TENT4A: variants seen among roughly 807,000 people sequenced by gnomAD.
The protein encoded by TENT4A is terminal nucleotidyltransferase 4A, also known as DNA polymerase kappa.
TENT4A carries 7 observed loss-of-function variants against 72.8 expected under a neutral mutation model. That is an observed-to-expected ratio of 0.10 (90% CI 0.05 to 0.18). TENT4A has a LOEUF of 0.18. TENT4A is among the 10% of genes least tolerant of loss of function. TENT4A has a pLI of 1.00. For missense variants in TENT4A, 831 were observed against 1,017.7 expected (o/e 0.82, Z 2.50); for synonymous variants, 456 against 434.3 (o/e 1.05, Z -0.62).
chr5:6,738,079 C>T (rs1467223694), intron 2 of TENT4A, among the ~76,000 whole-genome samples: 3 of 152,182 alleles, frequency 2.0e-5, no homozygotes, highest in South Asian at 2.1e-4. Context: ...CCTCATCACA[C>T]ACCACTCTTG....
At chr5:6,740,782 C>T (rs1741758942) in intron 4 of TENT4A, among the ~76,000 whole-genome samples, 1 of 152,216 alleles carries the variant, frequency 6.6e-6, no homozygotes, top group Non-Finnish European at 1.5e-5. Context: ...GCCCAGGTTC[C>T]AGAAGGGGCT....
Position 6,713,915 on chromosome 5 carries a change from CG to C in TENT4A, c.-65del. On this transcript the variant is annotated 5_prime_UTR_variant, in exon 1 of 13. Coordinates refer to ENST00000230859, the MANE Select transcript of TENT4A (RefSeq NM_006999.6). The stretch of plus-strand genomic sequence containing the variant: ...CGTCCGTGCGCGCGCGGCCGGGCCT[CG>C]GGGCGCGGCGGGGGCGGGGCCGCGT... 3 of 655,944 alleles carry C rather than the reference CG, an allele frequency of 4.6e-6. No homozygotes were observed. The highest frequency in any genetic ancestry group is 5.6e-6 in the Non-Finnish European group (3 of 532,440). 40.6% of individuals were successfully genotyped at this position (655,944 alleles called of 1,614,324 possible).
intron 1 of TENT4A, among the ~76,000 whole-genome samples, chr5:6,718,431 C>G (rs568139988): frequency 6.6e-6 from 1 of 152,276 alleles, no homozygotes. Flanking sequence ...AGGCATCACT[C>G]TAGGGGCCTT....
chr5:6,746,855 C>G (rs1394031335), intron 7 of TENT4A, among the ~76,000 whole-genome samples: 1 of 152,290 alleles, frequency 6.6e-6, no homozygotes, highest in African/African-American at 2.4e-5. Flanking sequence ...AACGCAAACA[C>G]GTTTGTCACT....
intron 1 of TENT4A, among the ~76,000 whole-genome samples, chr5:6,719,584 C>T (rs1037076890): frequency 9.9e-5 from 15 of 152,250 alleles, no homozygotes; most frequent in East Asian, 3.9e-4. Context: ...TGGCAAGCCT[C>T]GCCCTCTTCG....
intron 8 of TENT4A, among the ~76,000 whole-genome samples, chr5:6,749,092 G>A (rs1312044964): frequency 6.6e-6 from 1 of 152,188 alleles, no homozygotes; most frequent in East Asian, 1.9e-4. Context: ...GTTCTGTGGT[G>A]GATGATGGAA....
chr5:6,719,757 G>A (rs1157601503), intron 1 of TENT4A, among the ~76,000 whole-genome samples: 1 of 152,192 alleles, frequency 6.6e-6, no homozygotes, highest in Non-Finnish European at 1.5e-5. Flanking sequence ...ATGCACACTC[G>A]TCAGCATCCT....
intron 1 of TENT4A, among the ~76,000 whole-genome samples, chr5:6,720,546 A>C (rs561006448): frequency 6.6e-6 from 1 of 152,054 alleles, no homozygotes; most frequent in Non-Finnish European, 1.5e-5. Context: ...TATGTCATTT[A>C]AGAAAAGTTT....
chr5:6,740,830 G>A (rs760169364), intron 4 of TENT4A, among the ~76,000 whole-genome samples: 1 of 152,202 alleles, frequency 6.6e-6, no homozygotes, highest in Non-Finnish European at 1.5e-5. Context: ...AGCCCTGGCC[G>A]GCCACTTTCT....
chr5:6,731,212 T>G (rs903577539), intron 1 of TENT4A, among the ~76,000 whole-genome samples: 5 of 152,190 alleles, frequency 3.3e-5, no homozygotes, highest in African/African-American at 1.2e-4. Flanking sequence ...ACCACTAGTT[T>G]TAAGGGTTTT....
chr5:6,741,184 T>C (rs1741785674), intron 4 of TENT4A, among the ~76,000 whole-genome samples: 1 of 152,334 alleles, frequency 6.6e-6, no homozygotes, highest in Middle Eastern at 3.4e-3. Context: ...TAAGTATCTT[T>C]TCCTCTGTTA....
At chr5:6,750,574 G>A (rs1346660647) in intron 10 of TENT4A, 71 bp downstream of exon 10, 2 of 1,365,306 alleles carry the variant, frequency 1.5e-6, no homozygotes, top group Admixed American at 5.1e-5. Context: ...ATAGCCGCGA[G>A]CTTAAAATCT....
At chr5:6,752,734 A>G (rs1282447434) in intron 11 of TENT4A, 139 bp from the exon 12 acceptor site, 1 of 643,174 alleles carries the variant, frequency 1.6e-6, no homozygotes. Flanking sequence ...GTTAGGTAAT[A>G]GTAAAACAGA....
At chr5:6,717,215 C>CT (rs1740432490) in intron 1 of TENT4A, among the ~76,000 whole-genome samples, 1 of 152,260 alleles carries the variant, frequency 6.6e-6, no homozygotes, top group Non-Finnish European at 1.5e-5. Flanking sequence ...ACCAAAAAGT[C>CT]TTTCGGTTGT....
intron 3 of TENT4A, 33 bp from the exon 4 acceptor site, chr5:6,739,699 G>A (rs1480006788): frequency 1.2e-6 from 2 of 1,612,458 alleles, no homozygotes; most frequent in Non-Finnish European, 1.7e-6. Flanking sequence ...GTGGCGAGGG[G>A]AGCAGTGGCT....
chr5:6,744,383 CTG>C (rs1437270886), intron 6 of TENT4A, among the ~76,000 whole-genome samples: 1 of 152,224 alleles, frequency 6.6e-6, no homozygotes, highest in African/African-American at 2.4e-5. Context: ...TATTGATAAA[CTG>C]TAATTATACT....
intron 1 of TENT4A, among the ~76,000 whole-genome samples, chr5:6,728,159 G>A (rs532685406): frequency 1.3e-5 from 2 of 152,316 alleles, no homozygotes; most frequent in South Asian, 4.1e-4. Flanking sequence ...GTGAGGTGTA[G>A]GCAGGTGCTT....
In TENT4A at chr5:6,751,027, A is replaced by G. The variant is rs1487065592; in HGVS notation, c.1861-12A>G. ...TACAGCTGTCCTTTTTGTTTTTTGT[A>G]CCGGGTTCAAGGATTCAGACACACC... On this transcript the variant is annotated splice_polypyrimidine_tract_variant and intron_variant, in intron 10 of 12. Transcript: ENST00000230859. 4 of 1,606,400 alleles carry G rather than the reference A, an allele frequency of 2.5e-6. No individual in the cohort carries two copies. The highest frequency in any genetic ancestry group is 3.4e-6 in the Non-Finnish European group (4 of 1,175,594).
chr5:6,714,132 C>CGGCGGCCGCGGCGGG lies in TENT4A; in HGVS notation c.158_172dup (p.Ala53_Ala57dup). 2 of 978,456 alleles carry CGGCGGCCGCGGCGGG rather than the reference C, an allele frequency of 2.0e-6. No homozygotes were observed. The highest frequency in any genetic ancestry group is 2.4e-6 in the Non-Finnish European group (2 of 827,560). 60.6% of individuals were successfully genotyped at this position (978,456 alleles called of 1,614,324 possible). A position where few individuals can be genotyped will look rare whatever the true frequency, so the allele number is the denominator to read the frequency against. ...TGCCTCAACTCGCCGGCGCTGGACA[C>CGGCGGCCGCGGCGGG]GGCGGCCGCGGCGGGGGCGGCCGGG... On this transcript the variant is annotated inframe_insertion, in exon 1 of 13. Coordinates refer to ENST00000230859, the MANE Select transcript of TENT4A (RefSeq NM_006999.6).
Sources: allele counts gnomAD v4.1 joint callset (sites outside exome capture counted in the v4.1 genomes callset), GRCh38; gene constraint gnomAD v4.1.1; transcripts MANE v1.5; gene names NCBI Gene and HGNC (gene_info 2026-07-23, HGNC 2026-07-21).